The following PCDHA1 variants were observed in gnomAD, a reference collection of about 807,000 sequenced individuals.
The protein encoded by PCDHA1 is protocadherin alpha-1.
In PCDHA1, 42 loss-of-function variants were observed where a neutral mutation model predicts 61.3. That is an observed-to-expected ratio of 0.69 (90% CI 0.54 to 0.89). The LOEUF is 0.89. PCDHA1 is among the 40% of genes least tolerant of loss of function. The pLI, the probability that PCDHA1 is intolerant of heterozygous loss-of-function variation, is 0.00. For missense variants in PCDHA1, 1,256 were observed against 1,235.3 expected (o/e 1.02, Z -0.25); for synonymous variants, 610 against 553.8 (o/e 1.10, Z -1.43).
At chr5:140,877,067 A>C in intron 1 of PCDHA1, 4 of 1,613,082 alleles carry the variant, frequency 2.5e-6, no homozygotes, top group Non-Finnish European at 3.4e-6. Context: ...GAGCTGCTGC[A>C]GTTCCAGGTG....
At chr5:140,986,828 G>C (rs1001117075) in intron 3 of PCDHA1, among the ~76,000 whole-genome samples, 2 of 152,146 alleles carry the variant, frequency 1.3e-5, no homozygotes, top group African/African-American at 2.4e-5. Flanking sequence ...TTTAGACAAT[G>C]GTTCTCAAAG....
rs533343357 is a variant in PCDHA1, at chr5:140,856,093, C to G, written c.2394+67409C>G. 1.3e-6 allele frequency: 2 copies of G among 1,597,146 alleles called. 1 individual carries two copies. Among genetic ancestry groups the G allele is most frequent in the Non-Finnish European group, 1.7e-6 (2 of 1,166,952 alleles). On this transcript the variant is annotated intron_variant, in intron 1 of 3. Transcript: ENST00000504120. ...GCCTGGGGGTCCAGTGTCTGCTGCT[C>G]TCGCTTCTTCTCCTCGCAGCCTGGG... is the stretch of plus-strand genomic sequence containing the variant.
intron 1 of PCDHA1, chr5:140,883,975 G>A (rs1167945773): frequency 1.2e-6 from 2 of 1,612,842 alleles, no homozygotes; most frequent in African/African-American, 2.7e-5. Flanking sequence ...TGACGCCCGG[G>A]GCTGGCAGCG....
chr5:140,987,811 CTT>C (rs1444999429), intron 3 of PCDHA1, among the ~76,000 whole-genome samples: 7 of 152,218 alleles, frequency 4.6e-5, no homozygotes, highest in African/African-American at 1.7e-4. Flanking sequence ...GTGCCTGTCT[CTT>C]TGTTTCCTTA....
At chr5:140,803,544 CG>C (rs781847038) in intron 1 of PCDHA1, 10 of 1,614,160 alleles carry the variant, frequency 6.2e-6, no homozygotes, top group Non-Finnish European at 8.5e-6. Flanking sequence ...TCCAATTAGC[CG>C]GGATAGAGAG....
intron 1 of PCDHA1, among the ~76,000 whole-genome samples, chr5:140,826,017 A>G (rs1296923952): frequency 2.6e-5 from 4 of 152,190 alleles, no homozygotes; most frequent in Non-Finnish European, 4.4e-5. Flanking sequence ...TTTACATGAT[A>G]AAATGTGAAT....
intron 3 of PCDHA1, among the ~76,000 whole-genome samples, chr5:141,000,339 ATC>A (rs1414297743): frequency 2.0e-5 from 2 of 102,334 alleles, no homozygotes; most frequent in Admixed American, 1.0e-4. Context: ...GCAAGGCCCT[ATC>A]TCTCTCTCTG....
intron 1 of PCDHA1, among the ~76,000 whole-genome samples, chr5:140,955,418 G>A: frequency 6.6e-6 from 1 of 152,140 alleles, no homozygotes; most frequent in Non-Finnish European, 1.5e-5. Flanking sequence ...ATGATAGTGA[G>A]TGAGTTCTCA....
At chr5:140,918,027 G>C (rs782291548) in intron 1 of PCDHA1, among the ~76,000 whole-genome samples, 2 of 152,108 alleles carry the variant, frequency 1.3e-5, no homozygotes, top group East Asian at 3.8e-4. Context: ...ACCCATGAGC[G>C]TGGAAGGTCT....
At chr5:140,883,395 A>G (rs892476136) in intron 1 of PCDHA1, 2 of 1,614,048 alleles carry the variant, frequency 1.2e-6, no homozygotes, top group African/African-American at 1.3e-5. Context: ...AGTGTGTCCG[A>G]TCGTGACTCT....
chr5:140,922,358 A>T (rs1273986507), intron 1 of PCDHA1, among the ~76,000 whole-genome samples: 2 of 152,212 alleles, frequency 1.3e-5, no homozygotes, highest in African/African-American at 4.8e-5. Flanking sequence ...TAGAGTAGTG[A>T]TTCTCACTGA....
At chr5:140,842,107 C>CA (rs1468350486) in intron 1 of PCDHA1, 1 of 1,613,738 alleles carries the variant, frequency 6.2e-7, no homozygotes, top group Non-Finnish European at 8.5e-7. Context: ...CAACAGTTAT[C>CA]AAACTGAATG....
At chr5:140,862,970 C>T (rs1554157323) in intron 1 of PCDHA1, 4 of 545,310 alleles carry the variant, frequency 7.3e-6, no homozygotes, top group South Asian at 5.5e-5. Context: ...GGATGCAGGC[C>T]ACTTGGTGGC....
At chr5:140,858,001 G>A in intron 1 of PCDHA1, 1 of 1,597,108 alleles carries the variant, frequency 6.3e-7, no homozygotes, top group East Asian at 2.2e-5. Flanking sequence ...TGCTGGTGAA[G>A]GACCATGGCG....
intron 1 of PCDHA1, among the ~76,000 whole-genome samples, chr5:140,798,951 C>T (rs1392007970): frequency 6.6e-6 from 1 of 152,150 alleles, no homozygotes; most frequent in Non-Finnish European, 1.5e-5. Flanking sequence ...GTGATCTTAC[C>T]TTTAGCCATT....
intron 1 of PCDHA1, among the ~76,000 whole-genome samples, chr5:140,790,919 A>C (rs544712822): frequency 1.3e-5 from 2 of 152,234 alleles, no homozygotes; most frequent in African/African-American, 4.8e-5. Flanking sequence ...AATGGAGGAA[A>C]AAATGATTGT....
At chr5:140,907,406 A>G (rs2073359357) in intron 1 of PCDHA1, among the ~76,000 whole-genome samples, 1 of 152,216 alleles carries the variant, frequency 6.6e-6, no homozygotes, top group African/African-American at 2.4e-5. Context: ...TGTGTGGAAT[A>G]CCACGATGGT....
At chr5:140,958,888 A>G (rs1563299951) in intron 1 of PCDHA1, among the ~76,000 whole-genome samples, 3 of 152,040 alleles carry the variant, frequency 2.0e-5, no homozygotes, top group African/African-American at 7.2e-5. Flanking sequence ...ACCAGTAGCT[A>G]TATAATAGAT....
At chr5:140,916,263 C>A (rs541005754) in intron 1 of PCDHA1, among the ~76,000 whole-genome samples, 43 of 152,316 alleles carry the variant, frequency 2.8e-4, no homozygotes, top group African/African-American at 1.0e-3. Flanking sequence ...ACCCCAAGAG[C>A]ATGCTTGTTG....
Sources: gnomAD v4.1 joint callset for allele counts (sites outside exome capture counted in the v4.1 genomes callset) on GRCh38, gnomAD v4.1.1 for gene constraint, MANE v1.5 for transcripts, NCBI Gene and HGNC (gene_info 2026-07-23, HGNC 2026-07-21) for gene names.